The following ENOX1 variants were observed in gnomAD, a reference collection of about 807,000 sequenced individuals.
The protein encoded by ENOX1 is ecto-NOX disulfide-thiol exchanger 1.
In ENOX1, 42 loss-of-function variants were observed where a neutral mutation model predicts 82.5. The ratio of observed to expected loss-of-function variants is 0.51; its 90% CI spans 0.40 to 0.66. The LOEUF (loss-of-function observed/expected upper bound fraction) is 0.66. Ranked by LOEUF, ENOX1 falls within the 30% of genes least tolerant of loss-of-function variation. ENOX1 has a pLI of 0.00. For synonymous variants in ENOX1, 271 were observed against 282.2 expected (o/e 0.96, Z 0.40); for missense variants, 608 against 811.6 (o/e 0.75, Z 3.05).
intron 5 of ENOX1, among the ~76,000 whole-genome samples, chr13:43,366,696 A>T (rs2153564233): frequency 6.6e-6 from 1 of 152,358 alleles, no homozygotes; most frequent in South Asian, 2.1e-4. Flanking sequence ...GGGTGAAGGC[A>T]GTATATCAAA....
chr13:43,238,676 G>C (rs186545779), intron 14 of ENOX1, among the ~76,000 whole-genome samples: 51 of 152,262 alleles, frequency 3.3e-4, no homozygotes, highest in Non-Finnish European at 6.5e-4. Flanking sequence ...CTAGGATAAT[G>C]ATTGCATCAT....
chr13:43,742,022 C>T (rs1464217903), intron 1 of ENOX1, among the ~76,000 whole-genome samples: 4 of 152,128 alleles, frequency 2.6e-5, no homozygotes, highest in Admixed American at 6.5e-5. Flanking sequence ...AATTACCTTG[C>T]ACTCTTATAA....
intron 1 of ENOX1, among the ~76,000 whole-genome samples, chr13:43,689,562 T>C (rs1164205038): frequency 6.6e-6 from 1 of 152,196 alleles, no homozygotes; most frequent in African/African-American, 2.4e-5. Context: ...CAAAATCAGC[T>C]TCTCGAAAAA....
intron 8 of ENOX1, among the ~76,000 whole-genome samples, chr13:43,345,650 A>T (rs563772157): frequency 6.6e-6 from 1 of 152,364 alleles, no homozygotes; most frequent in East Asian, 1.9e-4. Context: ...TGGAAGTTGT[A>T]TGTCAGTTGT....
At chr13:43,672,997 A>T (rs1418740415) in intron 1 of ENOX1, among the ~76,000 whole-genome samples, 2 of 152,126 alleles carry the variant, frequency 1.3e-5, no homozygotes, top group Non-Finnish European at 2.9e-5. Flanking sequence ...CCTGCAAATC[A>T]CATGCCATAC....
At chr13:43,779,885 G>T (rs1038009387) in intron 1 of ENOX1, among the ~76,000 whole-genome samples, 1 of 152,116 alleles carries the variant, frequency 6.6e-6, no homozygotes. Context: ...GGCCGGGCGT[G>T]GTGGCTCACA....
At position 43,253,559 on chromosome 13, in the gene ENOX1, C is replaced by T. The variant is rs116745502; in HGVS notation, c.1611+11839G>A. Among the ~76,000 whole-genome samples, 706 of 152,312 alleles carry T rather than the reference C, an allele frequency of 4.6e-3. 14 individuals are homozygous for T. In the East Asian group the frequency reaches 0.055, roughly 12 times the overall value. On this transcript the variant is annotated intron_variant, in intron 14 of 16. Coordinates refer to ENST00000690772, the MANE Select transcript of ENOX1 (RefSeq NM_001347969.2). ...GCACTGGCTGGTGCATTTCACAACT[C>T]TCCCCTTCCTGGTCTCACGTGTGGT...
At chr13:43,491,804 T>G (rs2076628034) in intron 2 of ENOX1, among the ~76,000 whole-genome samples, 2 of 152,024 alleles carry the variant, frequency 1.3e-5, no homozygotes, top group African/African-American at 4.8e-5. Context: ...GATGAGATAA[T>G]TCTTAAAATG....
chr13:43,521,255 T>A (rs2077756638), intron 2 of ENOX1, among the ~76,000 whole-genome samples: 1 of 152,106 alleles, frequency 6.6e-6, no homozygotes, highest in Admixed American at 6.6e-5. Context: ...AAAACACCAA[T>A]CAATAAACTC....
intron 3 of ENOX1, among the ~76,000 whole-genome samples, chr13:43,417,874 T>C (rs1361482358): frequency 6.6e-6 from 1 of 152,176 alleles, no homozygotes; most frequent in South Asian, 2.1e-4. Context: ...CACACCTCAG[T>C]TGGAGCACAA....
chr13:43,287,965 C>T (rs1395349046), intron 12 of ENOX1, among the ~76,000 whole-genome samples: 3 of 152,090 alleles, frequency 2.0e-5, no homozygotes, highest in African/African-American at 7.2e-5. Flanking sequence ...TAGGATGTAC[C>T]AGGAGTGTAA....
intron 12 of ENOX1, among the ~76,000 whole-genome samples, chr13:43,297,291 AC>A (rs2046333807): frequency 6.6e-6 from 1 of 152,190 alleles, no homozygotes; most frequent in South Asian, 2.1e-4. Flanking sequence ...TCACTAAGAT[AC>A]TTCTGTAGGC....
chr13:43,392,555 C>T (rs763324603), intron 5 of ENOX1, among the ~76,000 whole-genome samples: 7 of 151,990 alleles, frequency 4.6e-5, no homozygotes, highest in African/African-American at 7.2e-5. Flanking sequence ...ATTAGCCAGG[C>T]GCAGTGGCAG....
intron 2 of ENOX1, among the ~76,000 whole-genome samples, chr13:43,512,568 T>C (rs1280567446): frequency 3.3e-5 from 5 of 151,332 alleles, no homozygotes; most frequent in Non-Finnish European, 1.5e-5. Flanking sequence ...AGAAAAGAAT[T>C]AAATGTTAGA....
chr13:43,225,357 CAG>C lies in ENOX1; in HGVS notation c.1715-1221_1715-1220del, dbSNP rs1302364155. On this transcript the variant is annotated intron_variant, in intron 15 of 16. Transcript: ENST00000690772. ...ATGGGTTCAGTCATACCCCAAACCT[CAG>C]AGTCATGCAATAGGCCTCTGTAACA... Among the ~76,000 whole-genome samples the C allele has an allele frequency of 2.0e-5, 3 of 152,322 alleles. No homozygotes were observed. The East Asian group carries it at 5.8e-4, about 29-fold the overall frequency.
At chr13:43,495,516 T>C (rs971814691) in intron 2 of ENOX1, among the ~76,000 whole-genome samples, 1 of 152,066 alleles carries the variant, frequency 6.6e-6, no homozygotes, top group African/African-American at 2.4e-5. Context: ...AAGTATTCAA[T>C]TGTATAAACG....
intron 5 of ENOX1, 119 bp downstream of exon 5, chr13:43,411,797 C>T (rs986058348): frequency 8.6e-6 from 11 of 1,284,302 alleles, no homozygotes; most frequent in African/African-American, 3.0e-5. Context: ...GCCAAACATG[C>T]CCCAGTCATA....
chr13:43,678,485 A>G (rs1280348347), intron 1 of ENOX1, among the ~76,000 whole-genome samples: 3 of 152,280 alleles, frequency 2.0e-5, no homozygotes, highest in Non-Finnish European at 4.4e-5. Flanking sequence ...TAGATGATGG[A>G]TACATACATG....
chr13:43,616,043 G>T (rs1246391219), intron 2 of ENOX1, among the ~76,000 whole-genome samples: 1 of 120,970 alleles, frequency 8.3e-6, no homozygotes, highest in Non-Finnish European at 1.8e-5. Flanking sequence ...GAACAGTGCT[G>T]CAATAAACAT....
Sources: allele counts gnomAD v4.1 joint callset (sites outside exome capture counted in the v4.1 genomes callset), GRCh38; gene constraint gnomAD v4.1.1; transcripts MANE v1.5; gene names NCBI Gene and HGNC (gene_info 2026-07-23, HGNC 2026-07-21).